AFF3: variants seen among roughly 807,000 people sequenced by gnomAD.
The protein encoded by AFF3 is ALF transcription elongation factor 3.
A neutral mutation model predicts 129.7 loss-of-function variants in AFF3; 32 were observed. The observed-to-expected ratio is 0.25, with a 90% CI of 0.19 to 0.33. The LOEUF is 0.33. Ranked by LOEUF, AFF3 falls within the 10% of genes least tolerant of loss-of-function variation. The pLI, the probability that AFF3 is intolerant of heterozygous loss-of-function variation, is 1.00. For missense variants in AFF3, 1,373 were observed against 1,592.0 expected, an observed-to-expected ratio of 0.86 and a Z score of 2.34; for synonymous variants, 644 against 635.4, an observed-to-expected ratio of 1.01 and a Z score of -0.20.
At chr2:100,127,962 A>G (rs1471436298) in intron 2 of AFF3, among the ~76,000 whole-genome samples, 1 of 152,202 alleles carries the variant, frequency 6.6e-6, no homozygotes, top group Non-Finnish European at 1.5e-5. Context: ...GATAAAACAG[A>G]TTGCAGTAAA....
In AFF3 at chr2:99,639,664, T is replaced by C. The variant is rs182470048; in HGVS notation, c.1184+9962A>G. Among the ~76,000 whole-genome samples, 785 of 150,758 alleles carry C rather than the reference T, an allele frequency of 5.2e-3. 2 individuals are homozygous for C. The highest frequency in any genetic ancestry group is 9.1e-3 in the Non-Finnish European group (618 of 67,866). On this transcript the variant is annotated intron_variant, in intron 13 of 24. Coordinates refer to ENST00000672756, the MANE Select transcript of AFF3 (RefSeq NM_001386135.1). ...TGTCAGGATATGACCCAGGGTGACT[T>C]TTTTATGTATTTATTTTTTTAATTA...
chr2:100,055,017 A>G (rs1222470039), intron 4 of AFF3, among the ~76,000 whole-genome samples: 2 of 152,208 alleles, frequency 1.3e-5, no homozygotes, highest in African/African-American at 2.4e-5. Flanking sequence ...ATGTCAATGT[A>G]GGCTGAGATT....
intron 11 of AFF3, among the ~76,000 whole-genome samples, chr2:99,676,760 T>C (rs1486383719): frequency 2.6e-5 from 4 of 152,188 alleles, no homozygotes; most frequent in African/African-American, 9.6e-5. Flanking sequence ...TCCTGAGAGA[T>C]GGTGGAGGGG....
chr2:99,836,050 T>A (rs954432139), intron 8 of AFF3, among the ~76,000 whole-genome samples: 6 of 152,224 alleles, frequency 3.9e-5, no homozygotes, highest in African/African-American at 1.4e-4. Flanking sequence ...ATTACTCAAG[T>A]CTTTATTCAA....
At chr2:99,953,584 C>T (rs1676361364) in intron 7 of AFF3, among the ~76,000 whole-genome samples, 2 of 152,200 alleles carry the variant, frequency 1.3e-5, no homozygotes, top group African/African-American at 4.8e-5. Flanking sequence ...TATAACTTCT[C>T]AAATTCCTCA....
At chr2:99,896,719 T>C (rs1356603787) in intron 7 of AFF3, among the ~76,000 whole-genome samples, 2 of 127,418 alleles carry the variant, frequency 1.6e-5, no homozygotes, top group Non-Finnish European at 3.1e-5. Context: ...CACTGTGACC[T>C]CCACCTCCCA....
intron 11 of AFF3, among the ~76,000 whole-genome samples, chr2:99,716,421 G>A (rs1678388886): frequency 6.6e-6 from 1 of 152,084 alleles, no homozygotes; most frequent in Non-Finnish European, 1.5e-5. Flanking sequence ...AATAAACACA[G>A]GGACATTAGT....
At chr2:100,047,529 G>C (rs1360759113) in intron 4 of AFF3, among the ~76,000 whole-genome samples, 2 of 152,130 alleles carry the variant, frequency 1.3e-5, no homozygotes, top group African/African-American at 4.8e-5. Context: ...CAGACAATCT[G>C]AATACAACTT....
At chr2:99,725,383 T>A (rs191607475) in intron 11 of AFF3, among the ~76,000 whole-genome samples, 16 of 152,280 alleles carry the variant, frequency 1.1e-4, no homozygotes, top group Non-Finnish European at 1.5e-4. Context: ...TGAGACAGTC[T>A]TACTTTGTCA....
intron 7 of AFF3, among the ~76,000 whole-genome samples, chr2:99,885,625 G>A (rs1488564397): frequency 1.3e-5 from 2 of 152,136 alleles, no homozygotes; most frequent in Non-Finnish European, 2.9e-5. Context: ...TCAAAGAGAG[G>A]GTGCAGGGTC....
At chr2:99,993,629 G>C (rs1456936825) in intron 7 of AFF3, among the ~76,000 whole-genome samples, 2 of 151,536 alleles carry the variant, frequency 1.3e-5, no homozygotes, top group Non-Finnish European at 2.9e-5. Context: ...TACAAGAAAG[G>C]CTTAGGAAAA....
intron 4 of AFF3, among the ~76,000 whole-genome samples, chr2:100,019,645 T>A (rs189840020): frequency 1.3e-5 from 2 of 152,218 alleles, no homozygotes; most frequent in Middle Eastern, 3.4e-3. Flanking sequence ...AAGAGAGAAG[T>A]AAGACAATAA....
intron 4 of AFF3, among the ~76,000 whole-genome samples, chr2:100,010,576 C>T (rs913054881): frequency 6.6e-6 from 1 of 152,158 alleles, no homozygotes; most frequent in Admixed American, 6.5e-5. Context: ...ATTTGGGAGT[C>T]CAACCAGTGA....
intron 4 of AFF3, among the ~76,000 whole-genome samples, chr2:100,069,280 C>T (rs1473763840): frequency 6.6e-6 from 1 of 152,126 alleles, no homozygotes; most frequent in African/African-American, 2.4e-5. Flanking sequence ...CTACTTAACT[C>T]TAAAGATAAT....
rs1375765546 is a variant in AFF3 at position 99,554,657 on chromosome 2, C to T, written c.3335+26G>A. On this transcript the variant is annotated intron_variant, in intron 23 of 24. Transcript: ENST00000672756. ...GCACCATGCATTGTCTGGCTTACGG[C>T]ATTGACTTTGGAAAAGCGAACTTAC... 1.9e-6 allele frequency: 3 copies of T among 1,614,116 alleles called. No individual in the cohort carries two copies. In the South Asian group the frequency reaches 3.3e-5, roughly 18 times the overall value.
At chr2:99,652,917 G>A (rs1685400700) in intron 12 of AFF3, among the ~76,000 whole-genome samples, 1 of 152,186 alleles carries the variant, frequency 6.6e-6, no homozygotes. Flanking sequence ...GAGAGCTGAG[G>A]GAGCAGCGAG....
At chr2:99,565,398 T>C in intron 20 of AFF3, 89 bp downstream of exon 20, 2 of 1,543,724 alleles carry the variant, frequency 1.3e-6, no homozygotes, top group South Asian at 1.2e-5. Flanking sequence ...TGGGGGATGG[T>C]GCAGGCTGAC....
chr2:99,747,204 A>G lies in AFF3; in HGVS notation c.1003-3064T>C, dbSNP rs557999587. 2.1e-3 allele frequency among the ~76,000 whole-genome samples: 322 copies of G among 151,966 alleles called. 2 individuals carry two copies. Among genetic ancestry groups the G allele is most frequent in the Middle Eastern group, 0.014 (4 of 294 alleles). On this transcript the variant is annotated intron_variant, in intron 9 of 24. Coordinates refer to ENST00000672756, the MANE Select transcript of AFF3 (RefSeq NM_001386135.1). ...CCACCAGGCCCTGCTAACTTTTTGT[A>G]TTTTTAGTAGAGATGGGGTTTCACC...
Position 99,593,272 on chromosome 2 carries a change from A to G in AFF3, c.2389T>C (p.Ser797Pro). The G allele has an allele frequency of 3.1e-6, 5 of 1,613,534 alleles. No individual in the cohort carries two copies. Among genetic ancestry groups the G allele is most frequent in the Non-Finnish European group, 4.2e-6 (5 of 1,179,662 alleles). Residue 797 changes from serine to proline, a missense_variant, in exon 15 of 25, where the codon TCT becomes CCT. Coordinates refer to ENST00000672756, the MANE Select transcript of AFF3 (RefSeq NM_001386135.1). ...GVLSAPATKD[S>P]ESAPPSHTSD... Reference sequence around the variant, plus strand: ...GTGTGGCTGGGCGGTGCGCTCTCAGAGTCCTTGGTGGCAGGGGCGCTCAAT... The same window carrying G: ...GTGTGGCTGGGCGGTGCGCTCTCAGGGTCCTTGGTGGCAGGGGCGCTCAAT...
Sources: allele counts gnomAD v4.1 joint callset (sites outside exome capture counted in the v4.1 genomes callset), GRCh38; gene constraint gnomAD v4.1.1; transcripts MANE v1.5; gene names NCBI Gene and HGNC (gene_info 2026-07-23, HGNC 2026-07-21).